The following IP6K2 variants were observed in gnomAD, a reference collection of about 807,000 sequenced individuals.
IP6K2 encodes the protein inositol hexakisphosphate kinase 2, also known as ATP:1D-myo-inositol-hexakisphosphate phosphotransferase.
In IP6K2, 9 loss-of-function variants were observed where a neutral mutation model predicts 43.3. The ratio of observed to expected loss-of-function variants is 0.21; its 90% CI spans 0.13 to 0.36. The LOEUF (loss-of-function observed/expected upper bound fraction) is 0.36. IP6K2 is among the 10% of genes least tolerant of loss of function. The pLI, the probability that IP6K2 is intolerant of heterozygous loss-of-function variation, is 1.00. For synonymous variants in IP6K2, 209 were observed against 202.4 expected (o/e 1.03, Z -0.28); for missense variants, 332 against 538.4 (o/e 0.62, Z 3.79).
At chr3:48,708,398 A>G (rs941437254) in intron 1 of IP6K2, among the ~76,000 whole-genome samples, 3 of 152,052 alleles carry the variant, frequency 2.0e-5, no homozygotes, top group African/African-American at 7.2e-5. Context: ...CTTTATCAAT[A>G]TATCAAACTT....
chr3:48,699,785 CG>C (rs2078829305), intron 1 of IP6K2: 1 of 152,094 alleles, frequency 6.6e-6, no homozygotes, highest in South Asian at 2.1e-4. Flanking sequence ...GTTCGTTTTA[CG>C]GTCTGTAAAA....
intron 1 of IP6K2, among the ~76,000 whole-genome samples, chr3:48,704,225 T>G (rs1468130172): frequency 2.0e-5 from 3 of 152,220 alleles, no homozygotes; most frequent in African/African-American, 7.2e-5. Flanking sequence ...CAAATTGACC[T>G]GTCTGGGTAC....
At chr3:48,694,539 T>C in intron 2 of IP6K2, 2 of 1,522,102 alleles carry the variant, frequency 1.3e-6, no homozygotes, top group East Asian at 2.5e-5. Flanking sequence ...TAAAATACAT[T>C]ATAAAAAGAA....
At position 48,688,308 on chromosome 3, in the gene IP6K2, T is replaced by C. The variant is rs376482103; in HGVS notation, c.1246A>G (p.Ile416Val). 6 of 1,614,148 alleles carry C rather than the reference T, an allele frequency of 3.7e-6. No homozygotes were observed. Among genetic ancestry groups the C allele is most frequent in the Admixed American group, 1.7e-5 (1 of 60,022 alleles). Residue 416 changes from isoleucine to valine, a missense_variant, in exon 6 of 6, where the codon ATT (isoleucine) becomes GTT (valine). Ile to Val is a conservative substitution (Grantham distance 29). Transcript: ENST00000328631. The surrounding 1 kb of genome is among the most constrained non-coding windows in gnomAD (Gnocchi z 5.1). ...CTCTCCTCACTTATCTCTGTGACAA[T>C]GTCTATCAGGCTCTGGAGCCCGAAG... ...YIFGLQSLID[I>V]VTEISEESGE is the part of the protein sequence containing the mutation.
intron 4 of IP6K2, 134 bp from the exon 5 acceptor site, chr3:48,689,847 C>A (rs2077614828): frequency 2.9e-6 from 2 of 682,822 alleles, no homozygotes; most frequent in East Asian, 5.5e-5. Flanking sequence ...TCCTGCCATC[C>A]CCGACACAGG....
At chr3:48,690,787 C>CA (rs538609739) in intron 4 of IP6K2, among the ~76,000 whole-genome samples, 1,384 of 50,238 alleles carry the variant, frequency 0.028, 22 homozygotes, top group African/African-American at 0.064. Flanking sequence ...GACTCTGTCT[C>CA]AAAAAAAAAA....
chr3:48,698,281 T>TA (rs1248788460), intron 1 of IP6K2, among the ~76,000 whole-genome samples: 1 of 152,216 alleles, frequency 6.6e-6, no homozygotes, highest in East Asian at 1.9e-4. Context: ...CGACCAGTAC[T>TA]AAAGCACATG....
chr3:48,705,654 TA>T (rs201473758), intron 1 of IP6K2, among the ~76,000 whole-genome samples: 1,527 of 136,310 alleles, frequency 0.011, 21 homozygotes, highest in Admixed American at 0.053. Context: ...CACTGTCTAT[TA>T]AAAAAAAAAA....
At position 48,693,532 on chromosome 3, in the gene IP6K2, C is replaced by T. The variant is rs896763816; in HGVS notation, c.203-353G>A. 4.1e-5 allele frequency: 50 copies of T among 1,214,226 alleles called. No homozygotes were observed. In the African/African-American group the frequency reaches 6.1e-4, roughly 15 times the overall value. 75.2% of individuals were successfully genotyped at this position (1,214,226 alleles called of 1,614,324 possible). A position where few individuals can be genotyped will look rare whatever the true frequency, so the allele number is the denominator to read the frequency against. On this transcript the variant is annotated intron_variant, in intron 2 of 5. Coordinates refer to ENST00000328631, the MANE Select transcript of IP6K2 (RefSeq NM_016291.4). ...TGAAAACATTGCTCTTTATAGTTTGCGGGAATTTTTAATGCCCTAAACAGA... is the reference window on the plus strand; with the variant it reads ...TGAAAACATTGCTCTTTATAGTTTGTGGGAATTTTTAATGCCCTAAACAGA...
At chr3:48,691,285 G>A in intron 4 of IP6K2, 22 bp downstream of exon 4, 1 of 1,591,622 alleles carries the variant, frequency 6.3e-7, no homozygotes, top group South Asian at 1.1e-5. Flanking sequence ...CAAATGCAGA[G>A]ATGCCCGTGA....
intron 1 of IP6K2, among the ~76,000 whole-genome samples, chr3:48,696,470 G>C (rs767561704): frequency 6.6e-6 from 1 of 152,124 alleles, no homozygotes; most frequent in Non-Finnish European, 1.5e-5. Flanking sequence ...ACCAAAAGCT[G>C]GTACACACCT....
intron 1 of IP6K2, among the ~76,000 whole-genome samples, chr3:48,714,764 C>T (rs1378329738): frequency 1.4e-5 from 2 of 145,888 alleles, no homozygotes; most frequent in African/African-American, 5.1e-5. Context: ...AGGAGAATGG[C>T]GTGAACCCGG....
intron 2 of IP6K2, chr3:48,694,008 C>A: frequency 7.2e-7 from 1 of 1,383,398 alleles, no homozygotes; most frequent in Non-Finnish European, 9.4e-7. Flanking sequence ...TGGCTGAACA[C>A]CTTTCCTCCC....
intron 2 of IP6K2, chr3:48,693,408 T>C: frequency 8.0e-7 from 1 of 1,251,392 alleles, no homozygotes; most frequent in Non-Finnish European, 1.1e-6. Flanking sequence ...TCCTCTCTGA[T>C]GTACTCAACG....
Position 48,695,258 on chromosome 3 carries a change from G to A in IP6K2, c.34C>T (p.Pro12Ser). ...SPAFRAMDVE[P>S]RAKGVLLEPF... ...TCCAGAAGGACGCCTTTGGCGCGGG[G>A]CTCCACATCCATGGCCCTGAAGGCT... Residue 12 changes from proline (P) to serine (S), a missense_variant, in exon 2 of 6, where the codon CCC becomes TCC. By Grantham distance (74) the Pro-to-Ser change is moderately conservative (BLOSUM62 -1). Coordinates refer to ENST00000328631, the MANE Select transcript of IP6K2 (RefSeq NM_016291.4). The surrounding 1 kb of genome is among the most constrained non-coding windows in gnomAD (Gnocchi z 4.6). 1 of 1,588,366 alleles carries A rather than the reference G, an allele frequency of 6.3e-7. No individual in the cohort carries two copies. Among genetic ancestry groups the A allele is most frequent in the Non-Finnish European group, 8.6e-7 (1 of 1,162,956 alleles).
chr3:48,702,336 C>T (rs1001515471), intron 1 of IP6K2, among the ~76,000 whole-genome samples: 1 of 152,148 alleles, frequency 6.6e-6, no homozygotes, highest in Non-Finnish European at 1.5e-5. Context: ...TACACATGTA[C>T]CTCAGGGCCT....
Position 48,702,076 on chromosome 3 carries a change from A to T in IP6K2, c.-130-6655T>A, listed in dbSNP as rs181911651. On this transcript the variant is annotated intron_variant, in intron 1 of 5. Transcript: ENST00000328631. ...CCTCTACTAAAATAAATAAATTTTTAAAAAATGAGCTGGACATGGTGGTGG... is the reference window on the plus strand; with the variant it reads ...CCTCTACTAAAATAAATAAATTTTTTAAAAATGAGCTGGACATGGTGGTGG... Among the ~76,000 whole-genome samples the T allele has an allele frequency of 3.0e-3, 451 of 152,082 alleles. 5 individuals carry two copies. Among genetic ancestry groups the T allele is most frequent in the African/African-American group, 9.6e-3 (399 of 41,490 alleles).
intron 1 of IP6K2, among the ~76,000 whole-genome samples, chr3:48,704,433 C>T (rs890363908): frequency 6.6e-5 from 10 of 151,692 alleles, no homozygotes; most frequent in Non-Finnish European, 1.2e-4. Flanking sequence ...AGCTTTCTTA[C>T]CAATTTTATA....
intron 1 of IP6K2, among the ~76,000 whole-genome samples, chr3:48,702,835 G>T (rs1161170417): frequency 3.9e-5 from 6 of 152,194 alleles, no homozygotes; most frequent in African/African-American, 1.4e-4. Context: ...GAATCTCCAG[G>T]ATCTACAAGA....
Sources: gnomAD v4.1 joint callset for allele counts (sites outside exome capture counted in the v4.1 genomes callset) on GRCh38, gnomAD v4.1.1 for gene constraint, Gnocchi (gnomAD v3.1) non-coding constraint, MANE v1.5 for transcripts, NCBI Gene and HGNC (gene_info 2026-07-23, HGNC 2026-07-21) for gene names.